Variants in EPHA6 observed in about 807,000 individuals in gnomAD.
The protein encoded by EPHA6 is ephrin type-A receptor 6.
EPHA6 carries 50 observed loss-of-function variants against 112.0 expected under a neutral mutation model. That is an observed-to-expected ratio of 0.45 (90% confidence interval 0.36 to 0.56). The LOEUF (loss-of-function observed/expected upper bound fraction) is 0.56, where lower values mean the gene tolerates loss of function less well. Ranked by LOEUF, EPHA6 falls within the 20% of genes least tolerant of loss-of-function variation. The pLI, the probability that EPHA6 is intolerant of heterozygous loss-of-function variation, is 0.00. For missense variants in EPHA6, 1,280 were observed against 1,417.4 expected (o/e 0.90, Z 1.56); for synonymous variants, 529 against 490.7 (o/e 1.08, Z -1.03).
intron 11 of EPHA6, among the ~76,000 whole-genome samples, chr3:97,583,189 C>T (rs1328594850): frequency 2.0e-5 from 3 of 151,754 alleles, no homozygotes; most frequent in African/African-American, 7.3e-5. Flanking sequence ...ATAAATGCTG[C>T]TTAACAACGC....
chr3:96,937,861 G>C (rs1219156911), intron 2 of EPHA6, among the ~76,000 whole-genome samples: 1 of 152,148 alleles, frequency 6.6e-6, no homozygotes, highest in African/African-American at 2.4e-5. Flanking sequence ...TTATTAAATA[G>C]GGAATCCTTT....
At chr3:96,954,818 G>A (rs1434876493) in intron 2 of EPHA6, among the ~76,000 whole-genome samples, 3 of 105,132 alleles carry the variant, frequency 2.9e-5, no homozygotes, top group African/African-American at 7.6e-5. Flanking sequence ...ACGGAGTCTC[G>A]CTCTGTCGCC....
chr3:97,194,812 T>A (rs941940894), intron 3 of EPHA6, among the ~76,000 whole-genome samples: 3 of 152,060 alleles, frequency 2.0e-5, no homozygotes, highest in Non-Finnish European at 2.9e-5. Context: ...ATTGTCATTG[T>A]ACAATGACTA....
Position 97,024,508 on chromosome 3 carries a change from A to C in EPHA6, c.1114+36515A>C, listed in dbSNP as rs1433600017. Among the ~76,000 whole-genome samples the C allele has an allele frequency of 5.3e-5, 8 of 152,198 alleles. No individual in the cohort carries two copies. In the East Asian group the frequency reaches 1.3e-3, roughly 26 times the overall value. Reference sequence around the variant, plus strand: ...AGTTAAACACTTTAAGTTCCCAAACATGAAGAATTTGAATAAAGCATGAAA... The same window carrying C: ...AGTTAAACACTTTAAGTTCCCAAACCTGAAGAATTTGAATAAAGCATGAAA... On this transcript the variant is annotated intron_variant, in intron 3 of 17. Coordinates refer to ENST00000389672, the MANE Select transcript of EPHA6 (RefSeq NM_001080448.3).
chr3:97,685,186 T>A (rs1032127330), intron 14 of EPHA6, among the ~76,000 whole-genome samples: 9 of 152,218 alleles, frequency 5.9e-5, no homozygotes, highest in Admixed American at 2.0e-4. Flanking sequence ...AACCAAATTT[T>A]GACTAACAAT....
chr3:97,020,699 CT>C (rs1419404823), intron 3 of EPHA6, among the ~76,000 whole-genome samples: 4 of 152,102 alleles, frequency 2.6e-5, no homozygotes, highest in African/African-American at 9.7e-5. Flanking sequence ...GTAACTTCTC[CT>C]AGCCATTTGG....
At chr3:97,655,939 G>A (rs2094135668) in intron 14 of EPHA6, among the ~76,000 whole-genome samples, 1 of 151,790 alleles carries the variant, frequency 6.6e-6, no homozygotes, top group African/African-American at 2.4e-5. Flanking sequence ...TTAGTCTTTG[G>A]CGATAGATGT....
chr3:97,152,846 C>A (rs908424145), intron 3 of EPHA6, among the ~76,000 whole-genome samples: 2 of 152,028 alleles, frequency 1.3e-5, no homozygotes, highest in African/African-American at 4.8e-5. Flanking sequence ...ATAATTAAAG[C>A]CATCCCTGAG....
At chr3:97,184,545 C>T (rs1576637454) in intron 3 of EPHA6, among the ~76,000 whole-genome samples, 1 of 152,134 alleles carries the variant, frequency 6.6e-6, no homozygotes, top group South Asian at 2.1e-4. Flanking sequence ...CTACAAACTA[C>T]TGCTCAATGA....
intron 2 of EPHA6, among the ~76,000 whole-genome samples, chr3:96,986,719 C>T (rs551634055): frequency 6.6e-6 from 1 of 152,076 alleles, no homozygotes; most frequent in South Asian, 2.1e-4. Context: ...AGTTTTTGTT[C>T]AGCTTGTTAA....
chr3:97,188,630 A>G (rs2077219140), intron 3 of EPHA6, among the ~76,000 whole-genome samples: 1 of 151,864 alleles, frequency 6.6e-6, no homozygotes. Flanking sequence ...CACATATATC[A>G]TATGTTTGAA....
At chr3:97,442,647 AG>A (rs1358786066) in intron 6 of EPHA6, among the ~76,000 whole-genome samples, 1 of 152,190 alleles carries the variant, frequency 6.6e-6, no homozygotes, top group Admixed American at 6.5e-5. Flanking sequence ...GCCCTTTCCA[AG>A]AACAAATATA....
intron 3 of EPHA6, among the ~76,000 whole-genome samples, chr3:97,159,793 A>G (rs1015832765): frequency 9.9e-5 from 15 of 152,198 alleles, no homozygotes; most frequent in African/African-American, 3.4e-4. Context: ...TGCTGTGTAG[A>G]ACACTATGAT....
intron 5 of EPHA6, among the ~76,000 whole-genome samples, chr3:97,333,721 G>A (rs892925441): frequency 1.3e-5 from 2 of 151,734 alleles, no homozygotes; most frequent in African/African-American, 2.4e-5. Flanking sequence ...TCAAGCAGTC[G>A]TCCCTCCTCA....
At chr3:97,273,593 T>C (rs945983331) in intron 5 of EPHA6, among the ~76,000 whole-genome samples, 7 of 152,128 alleles carry the variant, frequency 4.6e-5, no homozygotes, top group Admixed American at 3.3e-4. Context: ...CCATTCCTTT[T>C]TAAGTTGGTG....
chr3:96,936,922 C>T (rs981725786), intron 2 of EPHA6, among the ~76,000 whole-genome samples: 9 of 152,118 alleles, frequency 5.9e-5, no homozygotes, highest in Non-Finnish European at 1.2e-4. Context: ...ATCCATGTCC[C>T]TACAAAGGCC....
rs988649436 is a variant in EPHA6 at position 96,982,564 on chromosome 3, A to T, written c.451-4766A>T. ...GGGATGGAGAGTTCTGTAGATGTCT[A>T]TTAGGTCCGCTTGGTGCAGAGCTGA... On this transcript the variant is annotated intron_variant, in intron 2 of 17. Transcript: ENST00000389672. Among the ~76,000 whole-genome samples the T allele has an allele frequency of 1.3e-5, 2 of 152,182 alleles. 1 individual carries two copies. Among genetic ancestry groups the T allele is most frequent in the South Asian group, 4.1e-4 (2 of 4,830 alleles).
chr3:96,922,796 T>TC (rs1236451591), intron 2 of EPHA6, among the ~76,000 whole-genome samples: 1 of 152,124 alleles, frequency 6.6e-6, no homozygotes, highest in African/African-American at 2.4e-5. Flanking sequence ...CCTGATGCTC[T>TC]CTATCCCACC....
chr3:97,424,436 A>G (rs1049356567), intron 6 of EPHA6, among the ~76,000 whole-genome samples: 4 of 152,106 alleles, frequency 2.6e-5, no homozygotes, highest in African/African-American at 9.7e-5. Context: ...CATTAACTCA[A>G]ACGATAATGA....
Sources: allele counts gnomAD v4.1 joint callset (sites outside exome capture counted in the v4.1 genomes callset), GRCh38; gene constraint gnomAD v4.1.1; transcripts MANE v1.5; gene names NCBI Gene and HGNC (gene_info 2026-07-23, HGNC 2026-07-21).